Variants in JAK1 observed in about 807,000 individuals in gnomAD.
The protein encoded by JAK1 is tyrosine-protein kinase JAK1.
A neutral mutation model predicts 136.6 loss-of-function variants in JAK1; 16 were observed. The observed-to-expected ratio is 0.12, with a 90% CI of 0.08 to 0.18. JAK1 has a LOEUF of 0.18. Among genes scored for constraint, JAK1 ranks in the 10% least tolerant of loss-of-function variants. JAK1 has a pLI of 1.00. For synonymous variants in JAK1, 492 were observed against 519.5 expected (o/e 0.95, Z 0.72); for missense variants, 859 against 1,450.1 (o/e 0.59, Z 6.62).
intron 1 of JAK1, chr1:65,067,579 G>A (rs1340181107): frequency 5.6e-5 from 8 of 142,790 alleles, no homozygotes; most frequent in South Asian, 2.0e-4. Flanking sequence ...CCGCCCCCGC[G>A]CCCGGCCGCC....
At chr1:64,909,506 GAAT>G (rs1472742630) in intron 1 of JAK1, among the ~76,000 whole-genome samples, 3 of 152,036 alleles carry the variant, frequency 2.0e-5, no homozygotes, top group African/African-American at 7.2e-5. Flanking sequence ...AGTGTCACAA[GAAT>G]TATTCAGAGA....
chr1:64,941,547 G>A (rs1025462754), intron 1 of JAK1, among the ~76,000 whole-genome samples: 1 of 152,116 alleles, frequency 6.6e-6, no homozygotes, highest in Non-Finnish European at 1.5e-5. Flanking sequence ...ATTTCCCATG[G>A]TTAGAATAAA....
chr1:64,985,112 C>T, intron 2 of JAK1: 1 of 1,065,134 alleles, frequency 9.4e-7, no homozygotes, highest in Middle Eastern at 2.1e-4. Context: ...TTCTTACTGC[C>T]CTTTCCACTA....
At chr1:64,986,722 C>T (rs753424438) in intron 2 of JAK1, among the ~76,000 whole-genome samples, 2 of 151,792 alleles carry the variant, frequency 1.3e-5, no homozygotes, top group Non-Finnish European at 1.5e-5. Flanking sequence ...AGAGAGAGAC[C>T]GTCTCTACAA....
rs1483386482 is a variant in JAK1 at position 64,845,575 on chromosome 1, C to T, written c.2053G>A (p.Val685Ile). The part of the protein sequence containing the change: ...LDLFMHRKSD[V>I]LTTPWKFKVA... ...TTGAATTTCCATGGTGTGGTAAGGA[C>T]ATCGCTTTTCCGGTGCATGAAGAGA... is the stretch of plus-strand genomic sequence containing the variant. The change falls in exon 15 of 25, where the codon GTC (valine) becomes ATC (isoleucine). Residue 685 changes from valine (V) to isoleucine (I), a missense_variant. Coordinates refer to ENST00000342505, the MANE Select transcript of JAK1 (RefSeq NM_002227.4). 6.2e-7 allele frequency: 1 copy of T among 1,614,022 alleles called. No homozygotes were observed. The highest frequency in any genetic ancestry group is 1.6e-4 in the Middle Eastern group (1 of 6,084).
chr1:65,036,085 T>C (rs1316300777), intron 2 of JAK1, among the ~76,000 whole-genome samples: 1 of 149,154 alleles, frequency 6.7e-6, no homozygotes, highest in Non-Finnish European at 1.5e-5. Context: ...AAGAAAAGAG[T>C]GACAGTTTGG....
At chr1:65,033,335 T>C (rs1348872870) in intron 2 of JAK1, among the ~76,000 whole-genome samples, 1 of 152,098 alleles carries the variant, frequency 6.6e-6, no homozygotes, top group East Asian at 1.9e-4. Context: ...AAATTTTTTT[T>C]AAACAATAAA....
intron 15 of JAK1, among the ~76,000 whole-genome samples, chr1:64,845,232 C>T (rs935909128): frequency 6.6e-6 from 1 of 152,200 alleles, no homozygotes; most frequent in African/African-American, 2.4e-5. Context: ...ACACGTACTG[C>T]ACTGCTTTCA....
At chr1:64,913,529 G>C (rs371767198) in intron 1 of JAK1, among the ~76,000 whole-genome samples, 3 of 150,080 alleles carry the variant, frequency 2.0e-5, no homozygotes, top group African/African-American at 7.3e-5. Context: ...TAATAGAACT[G>C]ACTAATCATT....
intron 2 of JAK1, among the ~76,000 whole-genome samples, chr1:65,022,491 A>G (rs940412652): frequency 7.2e-5 from 11 of 152,126 alleles, no homozygotes; most frequent in Non-Finnish European, 1.3e-4. Context: ...TCTGAGGCCC[A>G]TTAAACTGAT....
intron 2 of JAK1, among the ~76,000 whole-genome samples, chr1:65,041,518 G>A (rs1647132440): frequency 6.6e-6 from 1 of 151,820 alleles, no homozygotes; most frequent in Non-Finnish European, 1.5e-5. Context: ...TGCTCTCTGT[G>A]TCGTCTCCTA....
chr1:64,906,180 G>C (rs925673872), intron 1 of JAK1, among the ~76,000 whole-genome samples: 2 of 151,992 alleles, frequency 1.3e-5, no homozygotes, highest in African/African-American at 4.8e-5. Flanking sequence ...TGTAATCCCA[G>C]TTACTTGGGA....
chr1:65,000,872 G>C (rs925330936), intron 2 of JAK1, among the ~76,000 whole-genome samples: 4 of 151,294 alleles, frequency 2.6e-5, no homozygotes, highest in African/African-American at 9.7e-5. Flanking sequence ...GTGGGGGGGC[G>C]GTTGGATTTT....
intron 8 of JAK1, 71 bp downstream of exon 8, chr1:64,864,716 G>C: frequency 8.3e-7 from 1 of 1,205,614 alleles, no homozygotes; most frequent in South Asian, 1.4e-5. Flanking sequence ...ATCATGTGCT[G>C]CAGAACGGAA....
chr1:64,889,032 GT>G (rs890522561), intron 1 of JAK1, among the ~76,000 whole-genome samples: 2 of 152,156 alleles, frequency 1.3e-5, no homozygotes, highest in Non-Finnish European at 2.9e-5. Flanking sequence ...ATGACAAGCG[GT>G]TTTTTTGTGT....
At chr1:64,991,661 A>C (rs932771587) in intron 2 of JAK1, 1 of 152,254 alleles carries the variant, frequency 6.6e-6, no homozygotes, top group Non-Finnish European at 1.5e-5. Flanking sequence ...AATGGGAAAG[A>C]AAGAAGTAAA....
chr1:64,976,671 G>T (rs1311054927), intron 2 of JAK1, among the ~76,000 whole-genome samples: 1 of 152,178 alleles, frequency 6.6e-6, no homozygotes, highest in Non-Finnish European at 1.5e-5. Context: ...TGGTCTTAGT[G>T]AATAGCGTGT....
chr1:65,017,662 G>A (rs191252083), intron 2 of JAK1, among the ~76,000 whole-genome samples: 3 of 152,188 alleles, frequency 2.0e-5, no homozygotes, highest in African/African-American at 7.2e-5. Context: ...GATTAATACA[G>A]AGGATGTTTT....
chr1:64,839,766 C>A lies in JAK1; in HGVS notation c.2679G>T (p.Arg893Ser), dbSNP rs778030565. ...CTGTATTGTCCCCTTCGGGGTCATA[C>A]CTGCAGAGCTCAACCTTCCCAAAGT... The part of the protein sequence containing the change: ...EGHFGKVELC[R>S]YDPEGDNTGE... The change falls in exon 20 of 25, where the codon AGG becomes AGT. Residue 893 changes from arginine (R) to serine (S), a missense_variant. By Grantham distance (110) the Arg-to-Ser change is moderately radical. Transcript: ENST00000342505. 10 of 1,612,172 alleles carry A rather than the reference C, an allele frequency of 6.2e-6. No homozygotes were observed. The African/African-American group carries it at 9.4e-5, about 15-fold the overall frequency.
Sources: gnomAD v4.1 joint callset for allele counts (sites outside exome capture counted in the v4.1 genomes callset) on GRCh38, gnomAD v4.1.1 for gene constraint, MANE v1.5 for transcripts, NCBI Gene and HGNC (gene_info 2026-07-23, HGNC 2026-07-21) for gene names.